The following KCNAB1 variants were observed in gnomAD, a reference collection of about 807,000 sequenced individuals.
The protein encoded by KCNAB1 is voltage-gated potassium channel subunit beta-1.
In KCNAB1, 35 loss-of-function variants were observed where a neutral mutation model predicts 64.6. That is an observed-to-expected ratio of 0.54 (90% CI 0.41 to 0.72). The LOEUF (loss-of-function observed/expected upper bound fraction) is 0.72, where lower values mean the gene tolerates loss of function less well. Among genes scored for constraint, KCNAB1 ranks in the 30% least tolerant of loss-of-function variants. The probability of loss-of-function intolerance (pLI) is 0.00; values close to 1 mark genes in which losing one functional copy is unlikely to be tolerated. For missense variants in KCNAB1, 401 were observed against 512.9 expected, an observed-to-expected ratio of 0.78 and a Z score of 2.11; for synonymous variants, 177 against 183.8, an observed-to-expected ratio of 0.96 and a Z score of 0.30.
intron 1 of KCNAB1, among the ~76,000 whole-genome samples, chr3:156,212,060 G>A (rs1367359603): frequency 6.6e-6 from 1 of 152,178 alleles, no homozygotes; most frequent in Non-Finnish European, 1.5e-5. Context: ...GTGCAAGGAA[G>A]CCTTGTAAGG....
chr3:156,430,727 GCA>G (rs1353567991), intron 2 of KCNAB1, among the ~76,000 whole-genome samples: 2 of 152,098 alleles, frequency 1.3e-5, no homozygotes, highest in Non-Finnish European at 2.9e-5. Context: ...CAGCCTCCAA[GCA>G]CACACAGCCA....
chr3:156,289,486 C>T (rs1720274997), intron 1 of KCNAB1, among the ~76,000 whole-genome samples: 1 of 152,150 alleles, frequency 6.6e-6, no homozygotes, highest in South Asian at 2.1e-4. Context: ...AATAAAGGTT[C>T]TAATGATCTG....
intron 1 of KCNAB1, among the ~76,000 whole-genome samples, chr3:156,274,311 A>G (rs993510984): frequency 6.6e-6 from 1 of 152,198 alleles, no homozygotes; most frequent in Non-Finnish European, 1.5e-5. Context: ...TCTCTCTTCC[A>G]TGTATCCCTG....
chr3:156,124,575 A>G (rs1212051656), intron 1 of KCNAB1, among the ~76,000 whole-genome samples: 1 of 152,088 alleles, frequency 6.6e-6, no homozygotes, highest in Non-Finnish European at 1.5e-5. Flanking sequence ...GTGTATATTT[A>G]CACATATACA....
intron 1 of KCNAB1, among the ~76,000 whole-genome samples, chr3:156,141,346 C>T (rs909254396): frequency 6.6e-6 from 1 of 152,156 alleles, no homozygotes; most frequent in Non-Finnish European, 1.5e-5. Context: ...AATCAAGACA[C>T]AACAGTTCCA....
At chr3:156,167,422 A>C (rs1711655305) in intron 1 of KCNAB1, among the ~76,000 whole-genome samples, 1 of 152,198 alleles carries the variant, frequency 6.6e-6, no homozygotes, top group East Asian at 1.9e-4. Flanking sequence ...TCACTTCTGG[A>C]AATTTCTGAA....
At chr3:156,475,571 A>G (rs1714280054) in intron 8 of KCNAB1, among the ~76,000 whole-genome samples, 1 of 152,220 alleles carries the variant, frequency 6.6e-6, no homozygotes. Context: ...GAGAATGAAG[A>G]TATTTGAGAA....
chr3:156,150,504 G>T (rs1715338752), intron 1 of KCNAB1, among the ~76,000 whole-genome samples: 1 of 152,116 alleles, frequency 6.6e-6, no homozygotes, highest in African/African-American at 2.4e-5. Flanking sequence ...AGGGATCCGT[G>T]CTTTCTTATA....
At chr3:156,486,460 T>C (rs1715224128) in intron 8 of KCNAB1, among the ~76,000 whole-genome samples, 1 of 152,150 alleles carries the variant, frequency 6.6e-6, no homozygotes. Context: ...ATTGCCACCC[T>C]GGTTGGGATG....
chr3:156,239,533 G>T (rs865863834), intron 1 of KCNAB1, among the ~76,000 whole-genome samples: 1 of 152,052 alleles, frequency 6.6e-6, no homozygotes, highest in Non-Finnish European at 1.5e-5. Context: ...ACTCTGTGGT[G>T]GTTGCAACCT....
chr3:156,316,411 C>A (rs1722280419), intron 1 of KCNAB1, among the ~76,000 whole-genome samples: 1 of 152,230 alleles, frequency 6.6e-6, no homozygotes, highest in African/African-American at 2.4e-5. Flanking sequence ...AAGATCAAAT[C>A]TTGACTCTAG....
At chr3:156,399,108 C>G (rs1489579915) in intron 1 of KCNAB1, among the ~76,000 whole-genome samples, 1 of 152,162 alleles carries the variant, frequency 6.6e-6, no homozygotes, top group Non-Finnish European at 1.5e-5. Flanking sequence ...TTAGCTTACA[C>G]TCATGATTAT....
intron 1 of KCNAB1, among the ~76,000 whole-genome samples, chr3:156,392,219 T>A (rs967382867): frequency 6.6e-6 from 1 of 152,304 alleles, no homozygotes; most frequent in Admixed American, 6.5e-5. Context: ...CTCTACCCAG[T>A]AGGAAAAACA....
chr3:156,469,384 G>C (rs1039819061), intron 7 of KCNAB1, among the ~76,000 whole-genome samples: 1 of 151,312 alleles, frequency 6.6e-6, no homozygotes, highest in African/African-American at 2.4e-5. Context: ...AGCCTCCCAG[G>C]TAGCTGGGAC....
chr3:156,277,505 T>C (rs572733720), intron 1 of KCNAB1, among the ~76,000 whole-genome samples: 2 of 152,292 alleles, frequency 1.3e-5, no homozygotes, highest in South Asian at 4.1e-4. Context: ...TATTTGTTCT[T>C]CTGTTTCTAG....
rs1350809107 is a variant in KCNAB1, at chr3:156,501,724, G to A, written c.659-12640G>A. Reference sequence around the variant, plus strand: ...AGGGATTACAGGCGTGAGCCACTGCGCCCGGCCTGACTTAGTACCTTAAAG... The same window carrying A: ...AGGGATTACAGGCGTGAGCCACTGCACCCGGCCTGACTTAGTACCTTAAAG... On this transcript the variant is annotated intron_variant, in intron 8 of 13. Transcript: ENST00000490337. Among the ~76,000 whole-genome samples the A allele has an allele frequency of 3.9e-5, 6 of 152,206 alleles. No homozygotes were observed. In the East Asian group the frequency reaches 5.8e-4, roughly 15 times the overall value.
At chr3:156,296,084 C>A (rs898232806) in intron 1 of KCNAB1, among the ~76,000 whole-genome samples, 2 of 152,068 alleles carry the variant, frequency 1.3e-5, no homozygotes, top group African/African-American at 4.8e-5. Context: ...TATTTTTAAT[C>A]TCAGATTTCA....
intron 12 of KCNAB1, among the ~76,000 whole-genome samples, chr3:156,525,671 A>G (rs1399882066): frequency 6.6e-6 from 1 of 152,126 alleles, no homozygotes; most frequent in Non-Finnish European, 1.5e-5. Context: ...GTGCACCACC[A>G]AGCCTGGCTA....
intron 1 of KCNAB1, among the ~76,000 whole-genome samples, chr3:156,255,774 TCA>T: frequency 6.6e-6 from 1 of 152,328 alleles, no homozygotes; most frequent in East Asian, 1.9e-4. Context: ...TTCCTCTCAC[TCA>T]GAATGAATCT....
Sources: gnomAD v4.1 joint callset for allele counts (sites outside exome capture counted in the v4.1 genomes callset) on GRCh38, gnomAD v4.1.1 for gene constraint, MANE v1.5 for transcripts, NCBI Gene and HGNC (gene_info 2026-07-23, HGNC 2026-07-21) for gene names.